Variants in CALN1 observed in about 807,000 individuals in gnomAD.
CALN1 encodes the protein calcium-binding protein 8.
CALN1 carries 17 observed loss-of-function variants against 30.6 expected under a neutral mutation model. The ratio of observed to expected loss-of-function variants is 0.56; its 90% CI spans 0.38 to 0.83. The LOEUF is 0.83. CALN1 is among the 40% of genes least tolerant of loss of function. The probability of loss-of-function intolerance (pLI) is 0.00; values close to 1 mark genes in which losing one functional copy is unlikely to be tolerated. For missense variants in CALN1, 291 were observed against 354.9 expected (o/e 0.82, Z 1.45); for synonymous variants, 156 against 131.4 (o/e 1.19, Z -1.28).
At chr7:71,920,121 T>C (rs1316546493) in intron 5 of CALN1, among the ~76,000 whole-genome samples, 2 of 152,160 alleles carry the variant, frequency 1.3e-5, no homozygotes, top group East Asian at 1.9e-4. Context: ...TGTTTATCTA[T>C]AGAGTATCAT....
chr7:71,906,618 G>A (rs1425546744), intron 5 of CALN1, among the ~76,000 whole-genome samples: 1 of 152,184 alleles, frequency 6.6e-6, no homozygotes, highest in Non-Finnish European at 1.5e-5. Flanking sequence ...ATGGTGACAA[G>A]CTTGATGTAG....
intron 5 of CALN1, among the ~76,000 whole-genome samples, chr7:71,881,485 C>A (rs1397448396): frequency 1.3e-5 from 2 of 152,226 alleles, no homozygotes; most frequent in African/African-American, 4.8e-5. Flanking sequence ...CCCATCATCA[C>A]TTCTCTCTAA....
intron 3 of CALN1, among the ~76,000 whole-genome samples, chr7:72,266,906 T>G (rs991827212): frequency 6.6e-6 from 1 of 152,082 alleles, no homozygotes; most frequent in Non-Finnish European, 1.5e-5. Context: ...AAAGGGCAGG[T>G]CAAGCCTCCA....
intron 5 of CALN1, among the ~76,000 whole-genome samples, chr7:71,899,941 C>T (rs1050879876): frequency 6.6e-6 from 1 of 152,090 alleles, no homozygotes; most frequent in East Asian, 1.9e-4. Flanking sequence ...AACTATAAGC[C>T]ATAAAATTTA....
intron 5 of CALN1, among the ~76,000 whole-genome samples, chr7:71,977,794 T>C (rs937419579): frequency 6.6e-6 from 1 of 151,886 alleles, no homozygotes; most frequent in Non-Finnish European, 1.5e-5. Flanking sequence ...TAACCGTGCA[T>C]GGTGGCGGGC....
intron 5 of CALN1, among the ~76,000 whole-genome samples, chr7:72,004,032 AT>A (rs1799651289): frequency 6.6e-6 from 1 of 152,246 alleles, no homozygotes; most frequent in African/African-American, 2.4e-5. Context: ...AGACAAGTTT[AT>A]TCTATAATTT....
chr7:72,043,575 C>T (rs1175209049), intron 4 of CALN1, among the ~76,000 whole-genome samples: 1 of 151,984 alleles, frequency 6.6e-6, no homozygotes, highest in East Asian at 1.9e-4. Flanking sequence ...TTGAAACCAG[C>T]TTGGACAACA....
chr7:71,963,085 A>G (rs528552716), intron 5 of CALN1, among the ~76,000 whole-genome samples: 2 of 152,328 alleles, frequency 1.3e-5, no homozygotes, highest in African/African-American at 4.8e-5. Context: ...GTAAACCTGG[A>G]AAGTTTACTC....
intron 5 of CALN1, among the ~76,000 whole-genome samples, chr7:71,843,162 T>C (rs1250209075): frequency 1.3e-5 from 2 of 152,204 alleles, no homozygotes; most frequent in Non-Finnish European, 2.9e-5. Flanking sequence ...TTATTCTCCC[T>C]AAGAAGACAC....
chr7:72,423,068 C>T (rs1404131019), intron 1 of CALN1, among the ~76,000 whole-genome samples: 5 of 149,980 alleles, frequency 3.3e-5, no homozygotes, highest in Admixed American at 6.6e-5. Flanking sequence ...GCTGAGATCA[C>T]GCCACACTCT....
intron 2 of CALN1, among the ~76,000 whole-genome samples, chr7:72,280,387 G>A (rs984900765): frequency 1.3e-5 from 2 of 152,150 alleles, no homozygotes; most frequent in East Asian, 1.9e-4. Flanking sequence ...GCAAATGGCA[G>A]GATGCTGATT....
At chr7:72,248,789 C>T (rs1401145098) in intron 3 of CALN1, among the ~76,000 whole-genome samples, 2 of 151,804 alleles carry the variant, frequency 1.3e-5, no homozygotes, top group Non-Finnish European at 2.9e-5. Context: ...CATTGTTCAG[C>T]CAACCACAAC....
chr7:72,179,603 T>A (rs113925860), intron 3 of CALN1, among the ~76,000 whole-genome samples: 35 of 152,278 alleles, frequency 2.3e-4, no homozygotes, highest in Middle Eastern at 3.4e-3. Flanking sequence ...TGTGTACATA[T>A]ATATGTGTAA....
intron 2 of CALN1, among the ~76,000 whole-genome samples, chr7:72,380,973 C>T (rs1417378599): frequency 6.6e-6 from 1 of 151,956 alleles, no homozygotes; most frequent in Non-Finnish European, 1.5e-5. Flanking sequence ...GACAGGGAAG[C>T]CACAAACAAG....
At chr7:72,466,258 TACACA>T in the CALN1 span, among the ~76,000 whole-genome samples, 1 of 151,638 alleles carries the variant, frequency 6.6e-6, no homozygotes, top group Admixed American at 6.6e-5. Context: ...TGTGTGTGTG[TACACA>T]CACACAGGTG....
upstream of CALN1, among the ~76,000 whole-genome samples, chr7:72,448,028 G>A (rs779917546): frequency 9.4e-5 from 14 of 149,054 alleles, no homozygotes; most frequent in Admixed American, 2.7e-4. Context: ...ACACATGCCC[G>A]CTCAGGTTCA....
At chr7:72,365,464 G>A (rs966264685) in intron 2 of CALN1, among the ~76,000 whole-genome samples, 1 of 152,080 alleles carries the variant, frequency 6.6e-6, no homozygotes, top group Non-Finnish European at 1.5e-5. Flanking sequence ...TTTATTTTTT[G>A]AATAGGGTCT....
chr7:72,377,279 C>T (rs1268735403), intron 2 of CALN1, among the ~76,000 whole-genome samples: 1 of 152,062 alleles, frequency 6.6e-6, no homozygotes, highest in Non-Finnish European at 1.5e-5. Flanking sequence ...GGACTCTTGT[C>T]TTTAGCTTTT....
At chr7:72,112,022 A>G (rs983220527) in intron 3 of CALN1, among the ~76,000 whole-genome samples, 1 of 152,148 alleles carries the variant, frequency 6.6e-6, no homozygotes, top group Non-Finnish European at 1.5e-5. Context: ...AAGTGCTAGG[A>G]TAACAGGCAT....
Sources: gnomAD v4.1 joint callset for allele counts (sites outside exome capture counted in the v4.1 genomes callset) on GRCh38, gnomAD v4.1.1 for gene constraint, MANE v1.5 for transcripts, NCBI Gene and HGNC (gene_info 2026-07-23, HGNC 2026-07-21) for gene names.